Variants in FAT3 observed in about 807,000 individuals in gnomAD.
FAT3 encodes the protein FAT atypical cadherin 3.
FAT3 carries 95 observed loss-of-function variants against 310.2 expected under a neutral mutation model. The ratio of observed to expected loss-of-function variants is 0.31; its 90% CI spans 0.26 to 0.36. The LOEUF (loss-of-function observed/expected upper bound fraction) is 0.36. FAT3 is among the 10% of genes least tolerant of loss of function. The probability of loss-of-function intolerance (pLI) is 1.00; values close to 1 mark genes in which losing one functional copy is unlikely to be tolerated. For synonymous variants in FAT3, 2,314 were observed against 2,192.9 expected, an observed-to-expected ratio of 1.06 and a Z score of -1.54; for missense variants, 5,408 against 5,715.6, an observed-to-expected ratio of 0.95 and a Z score of 1.74.
At chr11:92,769,677 T>A (rs975768002) in intron 6 of FAT3, among the ~76,000 whole-genome samples, 1 of 152,226 alleles carries the variant, frequency 6.6e-6, no homozygotes, top group Non-Finnish European at 1.5e-5. Context: ...AATATCTTTC[T>A]TTATCTCGCC....
intron 3 of FAT3, among the ~76,000 whole-genome samples, chr11:92,584,984 T>A (rs1403139917): frequency 6.6e-6 from 1 of 152,024 alleles, no homozygotes; most frequent in Non-Finnish European, 1.5e-5. Context: ...TGATATCCCT[T>A]TGTATTTATG....
intron 2 of FAT3, chr11:92,400,846 A>G (rs943028135): frequency 7.2e-5 from 11 of 152,320 alleles, no homozygotes; most frequent in African/African-American, 2.6e-4. Flanking sequence ...TAAAAGATTT[A>G]TATAAGTATG....
chr11:92,830,556 C>A (rs533618915), intron 13 of FAT3, among the ~76,000 whole-genome samples: 1 of 152,180 alleles, frequency 6.6e-6, no homozygotes, highest in Non-Finnish European at 1.5e-5. Context: ...ATCTGTACAC[C>A]AATGACACTC....
intron 3 of FAT3, among the ~76,000 whole-genome samples, chr11:92,559,912 A>T (rs1334042843): frequency 1.3e-5 from 2 of 152,230 alleles, no homozygotes; most frequent in African/African-American, 4.8e-5. Flanking sequence ...AGAAACAAGG[A>T]TATGAATATA....
At chr11:92,809,699 A>G (rs1947614120) in intron 12 of FAT3, 144 bp from the exon 13 acceptor site, 1 of 630,274 alleles carries the variant, frequency 1.6e-6, no homozygotes. Context: ...TGAATTTGCT[A>G]CATTTTTAAA....
intron 3 of FAT3, among the ~76,000 whole-genome samples, chr11:92,683,770 T>C (rs1385556783): frequency 6.6e-6 from 1 of 152,178 alleles, no homozygotes; most frequent in East Asian, 1.9e-4. Flanking sequence ...AGTTCGTTAA[T>C]ACAGAAACCT....
At chr11:92,504,801 C>T (rs912999433) in intron 2 of FAT3, among the ~76,000 whole-genome samples, 2 of 151,912 alleles carry the variant, frequency 1.3e-5, no homozygotes, top group Non-Finnish European at 2.9e-5. Context: ...GGACAGAAGA[C>T]GAATAAGACA....
intron 1 of FAT3, among the ~76,000 whole-genome samples, chr11:92,317,079 C>G (rs995368339): frequency 6.6e-6 from 1 of 151,992 alleles, no homozygotes; most frequent in Non-Finnish European, 1.5e-5. Context: ...CCTGGTTACT[C>G]AAGGCTACAG....
intron 2 of FAT3, among the ~76,000 whole-genome samples, chr11:92,359,617 T>C (rs1178680445): frequency 6.8e-6 from 1 of 146,492 alleles, no homozygotes; most frequent in East Asian, 2.0e-4. Context: ...CTCCCAATGC[T>C]ATCCCTCCCC....
intron 2 of FAT3, among the ~76,000 whole-genome samples, chr11:92,426,903 T>A (rs1027607522): frequency 1.3e-5 from 2 of 152,192 alleles, no homozygotes; most frequent in Admixed American, 6.5e-5. Flanking sequence ...TTTTGTCTAA[T>A]TCTGTGAAGA....
At chr11:92,797,542 C>G (rs185847754) in intron 9 of FAT3, among the ~76,000 whole-genome samples, 2 of 152,268 alleles carry the variant, frequency 1.3e-5, no homozygotes, top group Admixed American at 6.5e-5. Context: ...CCTTCGGGCT[C>G]TCTTATTTCC....
At chr11:92,868,415 G>A (rs990987214) in intron 22 of FAT3, among the ~76,000 whole-genome samples, 6 of 152,178 alleles carry the variant, frequency 3.9e-5, no homozygotes, top group African/African-American at 9.7e-5. Context: ...TCTCAGCAGT[G>A]TATGTAAATA....
chr11:92,770,293 A>G (rs949565469), intron 6 of FAT3, among the ~76,000 whole-genome samples: 1 of 152,198 alleles, frequency 6.6e-6, no homozygotes, highest in Non-Finnish European at 1.5e-5. Context: ...AATAGTTTTA[A>G]GAAAATGAAT....
intron 2 of FAT3, among the ~76,000 whole-genome samples, chr11:92,468,937 T>A (rs1330909915): frequency 2.0e-5 from 3 of 152,194 alleles, no homozygotes; most frequent in African/African-American, 4.8e-5. Flanking sequence ...ATTATTATGA[T>A]TTTTTGCTAA....
intron 2 of FAT3, among the ~76,000 whole-genome samples, chr11:92,522,956 C>T (rs1953735098): frequency 6.6e-6 from 1 of 152,136 alleles, no homozygotes; most frequent in South Asian, 2.1e-4. Flanking sequence ...ACCAACCTGG[C>T]CTTCCCCTCT....
At chr11:92,493,470 C>T (rs1027226436) in intron 2 of FAT3, among the ~76,000 whole-genome samples, 5 of 152,048 alleles carry the variant, frequency 3.3e-5, no homozygotes, top group African/African-American at 1.2e-4. Flanking sequence ...TTGTTATTTT[C>T]ACAGACACCT....
At chr11:92,772,337 G>A (rs1387407178) in intron 6 of FAT3, among the ~76,000 whole-genome samples, 4 of 152,016 alleles carry the variant, frequency 2.6e-5, no homozygotes, top group Non-Finnish European at 1.5e-5. Flanking sequence ...TTCTCAGAAT[G>A]TACCGCTTAA....
At chr11:92,501,590 C>T (rs989399612) in intron 2 of FAT3, among the ~76,000 whole-genome samples, 4 of 151,780 alleles carry the variant, frequency 2.6e-5, no homozygotes, top group South Asian at 2.1e-4. Context: ...GTGGGAAGTG[C>T]GTGTGTGTGG....
At chr11:92,419,876 G>A (rs1950500646) in intron 2 of FAT3, among the ~76,000 whole-genome samples, 1 of 152,160 alleles carries the variant, frequency 6.6e-6, no homozygotes, top group Non-Finnish European at 1.5e-5. Flanking sequence ...TGGCTCATAG[G>A]ATACTTGCCA....
Sources: allele counts gnomAD v4.1 joint callset (sites outside exome capture counted in the v4.1 genomes callset), GRCh38; gene constraint gnomAD v4.1.1; transcripts MANE v1.5; gene names NCBI Gene and HGNC (gene_info 2026-07-23, HGNC 2026-07-21).